Variants in NKAIN3 observed in about 807,000 individuals in gnomAD.
The protein encoded by NKAIN3 is sodium/potassium-transporting ATPase subunit beta-1-interacting protein 3.
In NKAIN3, 25 loss-of-function variants were observed where a neutral mutation model predicts 30.2. That is an observed-to-expected ratio of 0.83 (90% CI 0.60 to 1.16). The LOEUF (loss-of-function observed/expected upper bound fraction) is 1.16. Ranked by LOEUF, NKAIN3 falls within the 50% of genes most tolerant of loss-of-function variation. The pLI, the probability that NKAIN3 is intolerant of heterozygous loss-of-function variation, is 0.00. For missense variants in NKAIN3, 225 were observed against 254.1 expected (o/e 0.89, Z 0.78); for synonymous variants, 91 against 89.6 (o/e 1.02, Z -0.09).
At chr8:62,825,053 T>C (rs1818975610) in intron 4 of NKAIN3, among the ~76,000 whole-genome samples, 1 of 152,148 alleles carries the variant, frequency 6.6e-6, no homozygotes, top group Non-Finnish European at 1.5e-5. Context: ...TTTCTTGAGG[T>C]ATTTCAGCAA....
At chr8:62,415,749 A>AATTATT (rs35191559) in intron 1 of NKAIN3, among the ~76,000 whole-genome samples, 2,337 of 148,684 alleles carry the variant, frequency 0.016, 22 homozygotes, top group Non-Finnish European at 0.023. Context: ...TTTTATTAAG[A>AATTATT]ATTATTATTA....
chr8:62,473,917 T>G (rs1440951153), intron 1 of NKAIN3: 1 of 152,182 alleles, frequency 6.6e-6, no homozygotes, highest in Non-Finnish European at 1.5e-5. Context: ...TGTGCAATAT[T>G]TAGGATATAC....
intron 3 of NKAIN3, among the ~76,000 whole-genome samples, chr8:62,680,513 C>G (rs903634958): frequency 6.6e-6 from 1 of 152,238 alleles, no homozygotes; most frequent in Middle Eastern, 3.4e-3. Context: ...CTCTCTTTTA[C>G]TTTGTTTCCC....
chr8:62,269,851 C>G (rs536810282), intron 1 of NKAIN3, among the ~76,000 whole-genome samples: 2 of 151,996 alleles, frequency 1.3e-5, no homozygotes, highest in African/African-American at 4.8e-5. Context: ...CATAATTTCA[C>G]GAGATTCACT....
chr8:62,507,269 G>A (rs35437994), intron 1 of NKAIN3, among the ~76,000 whole-genome samples: 10,990 of 152,194 alleles, frequency 0.072, 494 homozygotes, highest in East Asian at 0.13. Context: ...TGAACAAAGC[G>A]TAAATGCTGT....
chr8:62,879,415 C>T (rs1202462698), intron 4 of NKAIN3, among the ~76,000 whole-genome samples: 1 of 152,094 alleles, frequency 6.6e-6, no homozygotes, highest in Non-Finnish European at 1.5e-5. Context: ...GATATTAGCC[C>T]TTTTCCAGAT....
chr8:62,667,350 T>TATATGTATATATATAA (rs1563507996), intron 3 of NKAIN3, among the ~76,000 whole-genome samples: 3 of 77,524 alleles, frequency 3.9e-5, no homozygotes, highest in African/African-American at 1.9e-4. Context: ...ATATTCTTTA[T>TATATGTATATATATAA]ATATATATCT....
At chr8:62,790,583 G>C (rs1817676875) in intron 4 of NKAIN3, among the ~76,000 whole-genome samples, 1 of 148,278 alleles carries the variant, frequency 6.7e-6, no homozygotes. Flanking sequence ...CTGTCTGTCT[G>C]TGTGTGTGTG....
rs566225894 is a variant in NKAIN3 at position 62,435,337 on chromosome 8, A to C, written c.55-144202A>C. ...TCTGACACCTGAAGGTTATGGACAC[A>C]ATAAAATCTCTCCAGCATGAGCTTC... On this transcript the variant is annotated intron_variant, in intron 1 of 6. Transcript: ENST00000623646. Among the ~76,000 whole-genome samples, 17 of 152,272 alleles carry C rather than the reference A, an allele frequency of 1.1e-4. No individual in the cohort carries two copies. The South Asian group carries it at 3.1e-3, about 28-fold the overall frequency.
At chr8:62,573,418 T>C (rs1257076303) in intron 1 of NKAIN3, among the ~76,000 whole-genome samples, 2 of 152,168 alleles carry the variant, frequency 1.3e-5, no homozygotes, top group African/African-American at 4.8e-5. Flanking sequence ...TCAATATACA[T>C]GAAAATCATG....
At chr8:62,846,334 T>G (rs1819688044) in intron 4 of NKAIN3, among the ~76,000 whole-genome samples, 1 of 152,146 alleles carries the variant, frequency 6.6e-6, no homozygotes, top group South Asian at 2.1e-4. Context: ...CAACTTTTAT[T>G]TTAAGTTCAG....
At chr8:62,841,343 T>C (rs1374194287) in intron 4 of NKAIN3, among the ~76,000 whole-genome samples, 2 of 152,066 alleles carry the variant, frequency 1.3e-5, no homozygotes, top group African/African-American at 4.8e-5. Context: ...AAATTTACTC[T>C]CTTATTTTGA....
intron 1 of NKAIN3, among the ~76,000 whole-genome samples, chr8:62,363,893 G>A (rs980340216): frequency 6.6e-6 from 1 of 152,106 alleles, no homozygotes; most frequent in African/African-American, 2.4e-5. Flanking sequence ...CTTGTCTAAA[G>A]TATTAATAGA....
At chr8:62,357,818 G>A (rs1466464852) in intron 1 of NKAIN3, among the ~76,000 whole-genome samples, 1 of 152,034 alleles carries the variant, frequency 6.6e-6, no homozygotes, top group African/African-American at 2.4e-5. Flanking sequence ...CAAAATTGAG[G>A]TGTAGTCTAC....
chr8:62,791,937 A>T (rs1817711960), intron 4 of NKAIN3, among the ~76,000 whole-genome samples: 1 of 152,166 alleles, frequency 6.6e-6, no homozygotes, highest in South Asian at 2.1e-4. Flanking sequence ...TTCAAGGTGT[A>T]CAACCTGATG....
chr8:62,883,429 T>C (rs1025917316), intron 4 of NKAIN3, among the ~76,000 whole-genome samples: 1 of 144,064 alleles, frequency 6.9e-6, no homozygotes, highest in Non-Finnish European at 1.5e-5. Flanking sequence ...CTTGGAATAA[T>C]TGTTTATTAT....
chr8:62,809,041 C>T (rs1260127139), intron 4 of NKAIN3, among the ~76,000 whole-genome samples: 1 of 152,102 alleles, frequency 6.6e-6, no homozygotes, highest in Non-Finnish European at 1.5e-5. Context: ...AGGGCTGTTC[C>T]TTGGTGAGAA....
chr8:62,796,823 C>CACACACACACAAAT, intron 4 of NKAIN3, among the ~76,000 whole-genome samples: 2 of 151,058 alleles, frequency 1.3e-5, no homozygotes, highest in African/African-American at 4.9e-5. Flanking sequence ...CACAAATACT[C>CACACACACACAAAT]ATGAACACAC....
At chr8:62,446,042 T>C (rs930286308) in intron 1 of NKAIN3, among the ~76,000 whole-genome samples, 2 of 152,190 alleles carry the variant, frequency 1.3e-5, no homozygotes, top group Non-Finnish European at 2.9e-5. Flanking sequence ...TAACTTGTTA[T>C]AGACACTAAC....
Sources: gnomAD v4.1 joint callset for allele counts (sites outside exome capture counted in the v4.1 genomes callset) on GRCh38, gnomAD v4.1.1 for gene constraint, MANE v1.5 for transcripts, NCBI Gene and HGNC (gene_info 2026-07-23, HGNC 2026-07-21) for gene names.